The following LSM11 variants were observed in gnomAD, a reference collection of about 807,000 sequenced individuals.
LSM11 encodes the protein U7 snRNA-associated Sm-like protein LSm11.
A neutral mutation model predicts 28.1 loss-of-function variants in LSM11; 14 were observed. The ratio of observed to expected loss-of-function variants is 0.50; its 90% CI spans 0.33 to 0.78. LSM11 has a LOEUF of 0.78. LSM11 is among the 30% of genes least tolerant of loss of function. The pLI, the probability that LSM11 is intolerant of heterozygous loss-of-function variation, is 0.02. For missense variants in LSM11, 495 were observed against 510.6 expected, an observed-to-expected ratio of 0.97 and a Z score of 0.30; for synonymous variants, 207 against 214.2, an observed-to-expected ratio of 0.97 and a Z score of 0.30.
rs1048405880 is a variant in LSM11, at chr5:157,754,320, A to G, written c.672+233A>G. On this transcript the variant is annotated intron_variant, in intron 3 of 3. Transcript: ENST00000286307. ...TGAGGAGCAAGTTGTCTCTTACAAC[A>G]CCTGAAAGTCTTTCAGCTTTATACC... 2.0e-5 allele frequency among the ~76,000 whole-genome samples: 3 copies of G among 152,190 alleles called. No homozygotes were observed. In the East Asian group the frequency reaches 5.8e-4, roughly 29 times the overall value.
At chr5:157,745,624 A>G (rs1761135539) in intron 1 of LSM11, among the ~76,000 whole-genome samples, 1 of 152,208 alleles carries the variant, frequency 6.6e-6, no homozygotes, top group Non-Finnish European at 1.5e-5. Context: ...ATTCCTGTGT[A>G]TTGCTATGTG....
chr5:157,748,423 A>G (rs1002136892), intron 1 of LSM11, among the ~76,000 whole-genome samples: 2 of 152,196 alleles, frequency 1.3e-5, no homozygotes, highest in Non-Finnish European at 2.9e-5. Context: ...AGTTCTGGGA[A>G]GGCCTCTAAG....
chr5:157,753,940 A>T, intron 2 of LSM11, 64 bp from the exon 3 acceptor site: 1 of 1,167,514 alleles, frequency 8.6e-7, no homozygotes, highest in Non-Finnish European at 1.2e-6. Context: ...TTTTCCCTGA[A>T]AAAGCTATAC....
intron 1 of LSM11, among the ~76,000 whole-genome samples, chr5:157,745,574 A>T (rs1761134925): frequency 6.6e-6 from 1 of 152,188 alleles, no homozygotes; most frequent in Admixed American, 6.5e-5. Flanking sequence ...CTATTTTACC[A>T]GTTATTGCTT....
At position 157,744,141 on chromosome 5, in the gene LSM11, C is replaced by A; in HGVS notation, c.391C>A (p.Arg131=). Residue 131 remains arginine (R), a synonymous_variant, in exon 1 of 4, where the codon CGG becomes AGG. Transcript: ENST00000286307. ...AGGGGACGGGGCCGCAGGAGCGGGCCGGAGGGGTCCGGGTCGGAGCAGGAA... is the reference window on the plus strand; with the variant it reads ...AGGGGACGGGGCCGCAGGAGCGGGCAGGAGGGGTCCGGGTCGGAGCAGGAA... The part of the protein sequence containing the change: ...EEGDGAAGAG[R]RGPGRSRKAP... 1 of 1,454,154 alleles carries A rather than the reference C, an allele frequency of 6.9e-7. No homozygotes were observed. The allele number at this position is 1,454,154 out of a possible 1,614,324, so 90.1% of individuals were successfully genotyped here.
intron 2 of LSM11, among the ~76,000 whole-genome samples, chr5:157,753,528 G>T (rs1761274898): frequency 6.6e-6 from 1 of 152,140 alleles, no homozygotes; most frequent in Non-Finnish European, 1.5e-5. Context: ...TCTGTTAATT[G>T]CTTTCATAAG....
At chr5:157,751,937 C>T (rs1410709405) in intron 2 of LSM11, among the ~76,000 whole-genome samples, 2 of 152,168 alleles carry the variant, frequency 1.3e-5, no homozygotes, top group African/African-American at 4.8e-5. Flanking sequence ...TTGAGAAACC[C>T]AGCCTTAAGG....
Position 157,751,461 on chromosome 5 carries a change from C to T in LSM11, c.520C>T (p.Arg174Cys), listed in dbSNP as rs1179635496. Residue 174 changes from arginine to cysteine, a missense_variant, in exon 2 of 4, where the codon CGC becomes TGC. Physicochemically the swap from Arg to Cys is radical, Grantham distance 180. Transcript: ENST00000286307. ...GGGGGTGAAGGTGAATGTTCACATCCGCACTTTCAAGGGACTTCGGGGCGT... is the reference window on the plus strand; with the variant it reads ...GGGGGTGAAGGTGAATGTTCACATCTGCACTTTCAAGGGACTTCGGGGCGT... ...REGVKVNVHI[R>C]TFKGLRGVCT... 3.1e-6 allele frequency: 5 copies of T among 1,612,938 alleles called. No homozygotes were observed. The highest frequency in any genetic ancestry group is 2.2e-5 in the East Asian group (1 of 44,862).
chr5:157,751,655 T>G, intron 2 of LSM11, 126 bp downstream of exon 2: 1 of 1,075,732 alleles, frequency 9.3e-7, no homozygotes, highest in Non-Finnish European at 1.4e-6. Flanking sequence ...AACTAGAATT[T>G]TTGCATACTT....
At position 157,743,862 on chromosome 5, in the gene LSM11, T is replaced by C; in HGVS notation, c.112T>C (p.Tyr38His). 6.4e-7 allele frequency: 1 copy of C among 1,559,612 alleles called. No homozygotes were observed. Among genetic ancestry groups the C allele is most frequent in the Non-Finnish European group, 8.7e-7 (1 of 1,155,562 alleles). The change falls in exon 1 of 4, where the codon TAC becomes CAC. Residue 38 changes from tyrosine to histidine, a missense_variant. By Grantham distance (83) the Tyr-to-His change is moderately conservative. Transcript: ENST00000286307. Reference sequence around the variant, plus strand: ...CAGCTTCGACCCGCTGCTGGCCCTGTACGCGCCCCGCCTGCCTCCCATTCC... The same window carrying C: ...CAGCTTCGACCCGCTGCTGGCCCTGCACGCGCCCCGCCTGCCTCCCATTCC... ...SDSFDPLLAL[Y>H]APRLPPIPYP...
intron 1 of LSM11, among the ~76,000 whole-genome samples, chr5:157,746,411 A>C (rs1761148995): frequency 6.6e-6 from 1 of 152,250 alleles, no homozygotes; most frequent in African/African-American, 2.4e-5. Context: ...CGCTGACTTT[A>C]AAATGATGTA....
chr5:157,748,713 G>T (rs564273871), intron 1 of LSM11, among the ~76,000 whole-genome samples: 17 of 152,268 alleles, frequency 1.1e-4, no homozygotes, highest in Non-Finnish European at 2.5e-4. Flanking sequence ...TAAGAGGCAA[G>T]TTTTAGGTCT....
intron 1 of LSM11, among the ~76,000 whole-genome samples, chr5:157,749,884 G>A (rs1761204503): frequency 6.6e-6 from 1 of 152,188 alleles, no homozygotes; most frequent in South Asian, 2.1e-4. Flanking sequence ...GTGGCTTCAG[G>A]AGGAACCAAT....
At chr5:157,752,151 T>C (rs980161101) in intron 2 of LSM11, among the ~76,000 whole-genome samples, 82 of 150,190 alleles carry the variant, frequency 5.5e-4, no homozygotes, top group African/African-American at 2.0e-3. Flanking sequence ...ACAAAGCATT[T>C]TGCATGATGT....
chr5:157,753,938 G>A, intron 2 of LSM11, 66 bp from the exon 3 acceptor site: 1 of 1,102,172 alleles, frequency 9.1e-7, no homozygotes. Context: ...TTTTTTCCCT[G>A]AAAAAGCTAT....
In LSM11 at chr5:157,755,696, C is replaced by T; in HGVS notation, c.*432C>T. The T allele has an allele frequency of 7.5e-6, 3 of 402,524 alleles. No homozygotes were observed. The highest frequency in any genetic ancestry group is 1.3e-5 in the Non-Finnish European group (3 of 228,426). 24.9% of individuals were successfully genotyped at this position (402,524 alleles called of 1,614,324 possible). A position where few individuals can be genotyped will look rare whatever the true frequency, so the allele number is the denominator to read the frequency against. ...ATTCCAAGAGTAGTGGTGTAAATTG[C>T]CTTGGAGCCCTGCATCCACGTCTTG... On this transcript the variant is annotated 3_prime_UTR_variant, in exon 4 of 4. Coordinates refer to ENST00000286307, the MANE Select transcript of LSM11 (RefSeq NM_173491.4).
rs1761312464 is a variant in LSM11, at chr5:157,755,600, A to G, written c.*336A>G. On this transcript the variant is annotated 3_prime_UTR_variant, in exon 4 of 4. Coordinates refer to ENST00000286307, the MANE Select transcript of LSM11 (RefSeq NM_173491.4). ...GTGGAATTTACATTTTAGATACTAT[A>G]GGGGAAAGAAAAGTCTCAAAAAGAA... 1 of 445,734 alleles carries G rather than the reference A, an allele frequency of 2.2e-6. No homozygotes were observed. Among genetic ancestry groups the G allele is most frequent in the Non-Finnish European group, 3.9e-6 (1 of 254,324 alleles). 27.6% of individuals were successfully genotyped at this position (445,734 alleles called of 1,614,324 possible).
rs1274082117 is a variant in LSM11 at position 157,743,819 on chromosome 5, G to T, written c.69G>T (p.Arg23=). 1 of 1,523,310 alleles carries T rather than the reference G, an allele frequency of 6.6e-7. No individual in the cohort carries two copies. Among genetic ancestry groups the T allele is most frequent in the Non-Finnish European group, 8.8e-7 (1 of 1,139,018 alleles). 94.4% of individuals were successfully genotyped at this position (1,523,310 alleles called of 1,614,324 possible). A position where few individuals can be genotyped will look rare whatever the true frequency, so the allele number is the denominator to read the frequency against. The change falls in exon 1 of 4, where the codon CGG becomes CGT. Residue 23 remains arginine, a synonymous_variant. Transcript: ENST00000286307. ...GCCCCGCGCGCCCGCCCAGCCCGCG[G>T]CTGGATGTCAGCTCTGACAGCTTCG... is the stretch of plus-strand genomic sequence containing the variant. The part of the protein sequence containing the change: ...AGSPARPPSP[R]LDVSSDSFDP...
Position 157,744,019 on chromosome 5 carries a change from C to G in LSM11, c.269C>G (p.Pro90Arg). The change falls in exon 1 of 4, where the codon CCC becomes CGC. Residue 90 changes from proline (P) to arginine (R), a missense_variant. Coordinates refer to ENST00000286307, the MANE Select transcript of LSM11 (RefSeq NM_173491.4). Reference sequence around the variant, plus strand: ...GCGGGCTCTGGGGTTCCCGCCGCACCCGGGCCCTCGGGCAGGACTCGTCGC... The same window carrying G: ...GCGGGCTCTGGGGTTCCCGCCGCACGCGGGCCCTCGGGCAGGACTCGTCGC... ...AAAGSGVPAA[P>R]GPSGRTRRRP... 2 of 1,354,716 alleles carry G rather than the reference C, an allele frequency of 1.5e-6. No individual in the cohort carries two copies. Among genetic ancestry groups the G allele is most frequent in the Non-Finnish European group, 1.9e-6 (2 of 1,051,100 alleles). The allele number at this position is 1,354,716 out of a possible 1,614,324, so 83.9% of individuals were successfully genotyped here.
Sources: allele counts gnomAD v4.1 joint callset (sites outside exome capture counted in the v4.1 genomes callset), GRCh38; gene constraint gnomAD v4.1.1; transcripts MANE v1.5; gene names NCBI Gene and HGNC (gene_info 2026-07-23, HGNC 2026-07-21).